Variants in DLGAP2 observed in about 807,000 individuals in gnomAD.
The protein encoded by DLGAP2 is disks large-associated protein 2.
A neutral mutation model predicts 100.3 loss-of-function variants in DLGAP2; 26 were observed. The ratio of observed to expected loss-of-function variants is 0.26; its 90% CI spans 0.19 to 0.36. The LOEUF (loss-of-function observed/expected upper bound fraction) is 0.36. Among genes scored for constraint, DLGAP2 ranks in the 10% least tolerant of loss-of-function variants. The probability of loss-of-function intolerance (pLI) is 1.00; values close to 1 mark genes in which losing one functional copy is unlikely to be tolerated. For missense variants in DLGAP2, 1,858 were observed against 1,453.2 expected (o/e 1.28, Z -4.53); for synonymous variants, 886 against 630.1 (o/e 1.41, Z -6.08).
intron 1 of DLGAP2, among the ~76,000 whole-genome samples, chr8:879,826 A>C (rs1041398500): frequency 1.3e-5 from 2 of 152,182 alleles, no homozygotes; most frequent in Non-Finnish European, 1.5e-5. Context: ...TAGCAACAAC[A>C]GCCTCCACTT....
intron 1 of DLGAP2, among the ~76,000 whole-genome samples, chr8:837,656 T>TTGTG (rs1388290792): frequency 1.5e-5 from 2 of 132,080 alleles, no homozygotes; most frequent in Non-Finnish European, 3.4e-5. Flanking sequence ...AGAAATTTGT[T>TTGTG]TGTGTGTATG....
intron 10 of DLGAP2, among the ~76,000 whole-genome samples, chr8:1,673,728 C>CAAAG (rs1798744979): frequency 6.6e-6 from 1 of 152,094 alleles, no homozygotes; most frequent in Non-Finnish European, 1.5e-5. Context: ...AACAAGGAAG[C>CAAAG]AAAGATTCAA....
chr8:835,480 C>A (rs930250438), intron 1 of DLGAP2, among the ~76,000 whole-genome samples: 1 of 151,526 alleles, frequency 6.6e-6, no homozygotes, highest in Non-Finnish European at 1.5e-5. Context: ...CCCCACCCCA[C>A]CCCTCTCTCC....
chr8:908,395 C>T (rs913962332), intron 2 of DLGAP2, among the ~76,000 whole-genome samples: 12 of 152,210 alleles, frequency 7.9e-5, no homozygotes, highest in East Asian at 7.7e-4. Context: ...GGGTGGGAAT[C>T]GGCTAGATGT....
chr8:1,187,464 C>G (rs1463283519), intron 2 of DLGAP2, among the ~76,000 whole-genome samples: 1 of 138,306 alleles, frequency 7.2e-6, no homozygotes, highest in Non-Finnish European at 1.5e-5. Context: ...CCCGGGACCT[C>G]CGTGACATTT....
chr8:758,395 A>G (rs1404632616), intron 1 of DLGAP2, among the ~76,000 whole-genome samples: 3 of 152,010 alleles, frequency 2.0e-5, no homozygotes, highest in East Asian at 3.9e-4. Context: ...AAATGATTTA[A>G]TATTTATATA....
At chr8:866,111 G>A (rs773997198) in intron 1 of DLGAP2, among the ~76,000 whole-genome samples, 6 of 152,114 alleles carry the variant, frequency 3.9e-5, no homozygotes, top group Non-Finnish European at 8.8e-5. Context: ...AGGCACAGTG[G>A]CGGGCAGAGT....
intron 2 of DLGAP2, among the ~76,000 whole-genome samples, chr8:1,066,792 G>A (rs1330445224): frequency 6.6e-6 from 1 of 152,248 alleles, no homozygotes; most frequent in Non-Finnish European, 1.5e-5. Flanking sequence ...TGGCAAAGCT[G>A]TGCTTGTAGG....
chr8:1,308,142 T>C lies in DLGAP2; in HGVS notation c.106+49259T>C, dbSNP rs146629526. Among the ~76,000 whole-genome samples the C allele has an allele frequency of 6.9e-3, 1,047 of 152,306 alleles. 16 individuals carry two copies. Among genetic ancestry groups the C allele is most frequent in the African/African-American group, 0.024 (991 of 41,562 alleles). The stretch of plus-strand genomic sequence containing the variant: ...CTTTCACCTCAAGTGGTCCCTGGGC[T>C]CGTTGCAAGCCAGGGTACGTGTGGA... On this transcript the variant is annotated intron_variant, in intron 3 of 14. Coordinates refer to ENST00000637795, the MANE Select transcript of DLGAP2 (RefSeq NM_001346810.2).
In DLGAP2 at chr8:1,568,307, A is replaced by G. The variant is rs560462824; in HGVS notation, c.1442+2413A>G. 1.5e-3 allele frequency among the ~76,000 whole-genome samples: 97 copies of G among 66,044 alleles called. 11 individuals are homozygous for G. Among genetic ancestry groups the G allele is most frequent in the African/African-American group, 6.9e-3 (93 of 13,546 alleles). 43.3% of individuals were successfully genotyped at this position (66,044 alleles called of 152,430 possible). A position where few individuals can be genotyped will look rare whatever the true frequency, so the allele number is the denominator to read the frequency against. On this transcript the variant is annotated intron_variant, in intron 6 of 14. Transcript: ENST00000637795. ...AAATCCGTCTTTGCCTGTGGCCTCC[A>G]TGCCACTGTCCACTCAGCAGACACA...
At chr8:1,490,333 G>A (rs144856559) in intron 3 of DLGAP2, among the ~76,000 whole-genome samples, 291 of 152,316 alleles carry the variant, frequency 1.9e-3, no homozygotes, top group African/African-American at 6.1e-3. Flanking sequence ...TTGAAAAGGC[G>A]CCTGTGGAGA....
rs1197431720 is a variant in DLGAP2 at position 814,866 on chromosome 8, A to AG, written c.18+77041_18+77042insG. ...ACTCCGTCTCAAAAAAAAAAAAAAA[A>AG]AAAAAAAGAAATACTATCAACATTA... is the stretch of plus-strand genomic sequence containing the variant. On this transcript the variant is annotated intron_variant, in intron 1 of 14. Transcript: ENST00000637795. 2.6e-5 allele frequency among the ~76,000 whole-genome samples: 4 copies of AG among 151,212 alleles called. No homozygotes were observed. In the East Asian group the frequency reaches 5.8e-4, roughly 22 times the overall value.
chr8:951,112 A>G (rs1799468627), intron 2 of DLGAP2, among the ~76,000 whole-genome samples: 1 of 152,202 alleles, frequency 6.6e-6, no homozygotes, highest in African/African-American at 2.4e-5. Flanking sequence ...TTGTATTGCC[A>G]ATATCTTTCC....
chr8:870,323 C>T (rs1210870424), intron 1 of DLGAP2, among the ~76,000 whole-genome samples: 1 of 152,170 alleles, frequency 6.6e-6, no homozygotes, highest in African/African-American at 2.4e-5. Context: ...GACCTCTCTT[C>T]CAGTACTGGA....
intron 3 of DLGAP2, among the ~76,000 whole-genome samples, chr8:1,464,309 C>T (rs1356491254): frequency 2.8e-5 from 3 of 108,928 alleles, no homozygotes; most frequent in South Asian, 3.3e-4. Flanking sequence ...TGGCACCCTT[C>T]CAGGACAACG....
At chr8:778,883 C>T (rs1422196336) in intron 1 of DLGAP2, among the ~76,000 whole-genome samples, 1 of 152,242 alleles carries the variant, frequency 6.6e-6, no homozygotes, top group Admixed American at 6.5e-5. Flanking sequence ...TTCGAGCTTC[C>T]CGGCTGCTTT....
At chr8:1,495,043 C>T (rs769742770) in intron 3 of DLGAP2, among the ~76,000 whole-genome samples, 1 of 152,214 alleles carries the variant, frequency 6.6e-6, no homozygotes, top group African/African-American at 2.4e-5. Context: ...TTCATCAATT[C>T]TCCATAATGA....
chr8:1,662,235 G>T (rs1563048109), intron 8 of DLGAP2, among the ~76,000 whole-genome samples: 1 of 152,332 alleles, frequency 6.6e-6, no homozygotes, highest in South Asian at 2.1e-4. Context: ...TTAAGGAATT[G>T]AAAGCCCATT....
At position 834,540 on chromosome 8, in the gene DLGAP2, C is replaced by G. The variant is rs565926811; in HGVS notation, c.19-73372C>G. Among the ~76,000 whole-genome samples the G allele has an allele frequency of 2.0e-5, 3 of 152,308 alleles. No homozygotes were observed. In the South Asian group the frequency reaches 6.2e-4, roughly 32 times the overall value. On this transcript the variant is annotated intron_variant, in intron 1 of 14. Coordinates refer to ENST00000637795, the MANE Select transcript of DLGAP2 (RefSeq NM_001346810.2). The stretch of plus-strand genomic sequence containing the variant: ...AATCTCATTGCTGTCTTCCACCTAC[C>G]TGCACTTTAACTTGTGATTGTTTTA...
Sources: allele counts gnomAD v4.1 joint callset (sites outside exome capture counted in the v4.1 genomes callset), GRCh38; gene constraint gnomAD v4.1.1; transcripts MANE v1.5; gene names NCBI Gene and HGNC (gene_info 2026-07-23, HGNC 2026-07-21).